The following SLC38A8 variants were observed in gnomAD, a reference collection of about 807,000 sequenced individuals.
SLC38A8 encodes the protein amino acid transporter SLC38A8.
Under a neutral mutation model 46.0 loss-of-function variants are expected in SLC38A8, and 65 were observed. The observed-to-expected ratio is 1.41, with a 90% CI of 1.16 to 1.74. The LOEUF (loss-of-function observed/expected upper bound fraction) is 1.74, where lower values mean the gene tolerates loss of function less well. Among genes scored for constraint, SLC38A8 ranks in the 40% most tolerant of loss-of-function variants. The probability of loss-of-function intolerance (pLI) is 0.00; values close to 1 mark genes in which losing one functional copy is unlikely to be tolerated. For synonymous variants in SLC38A8, 447 were observed against 243.7 expected (o/e 1.83, Z -7.77); for missense variants, 998 against 567.9 (o/e 1.76, Z -7.70).
At chr16:84,032,488 T>C (rs560544482) in intron 4 of SLC38A8, among the ~76,000 whole-genome samples, 1 of 152,284 alleles carries the variant, frequency 6.6e-6, no homozygotes, top group Admixed American at 6.5e-5. Context: ...CCCAAATGTG[T>C]AGAATTCTTA....
At chr16:84,017,387 T>A in intron 7 of SLC38A8, 100 bp from the exon 8 acceptor site, 2 of 1,393,848 alleles carry the variant, frequency 1.4e-6, no homozygotes, top group Non-Finnish European at 9.8e-7. Flanking sequence ...CACCTAAGAT[T>A]TTCCTTAGGA....
intron 7 of SLC38A8, among the ~76,000 whole-genome samples, chr16:84,019,767 G>C (rs2085074050): frequency 6.6e-6 from 1 of 152,198 alleles, no homozygotes; most frequent in Non-Finnish European, 1.5e-5. Flanking sequence ...TGGCAGTGCA[G>C]GCAAAAGAAA....
chr16:84,037,215 C>A (rs963301192), intron 2 of SLC38A8, among the ~76,000 whole-genome samples: 1 of 152,222 alleles, frequency 6.6e-6, no homozygotes, highest in African/African-American at 2.4e-5. Flanking sequence ...TTAAGTTACT[C>A]TCCTAAAATC....
intron 3 of SLC38A8, among the ~76,000 whole-genome samples, chr16:84,034,161 A>G (rs979061747): frequency 6.6e-6 from 1 of 152,212 alleles, no homozygotes; most frequent in African/African-American, 2.4e-5. Context: ...TGGGCCACCT[A>G]GCAGGCACCT....
intron 6 of SLC38A8, among the ~76,000 whole-genome samples, chr16:84,026,891 G>C (rs1459136480): frequency 1.3e-5 from 2 of 152,198 alleles, no homozygotes; most frequent in African/African-American, 2.4e-5. Flanking sequence ...GGAGAATGGA[G>C]AGTGACTGAC....
intron 6 of SLC38A8, among the ~76,000 whole-genome samples, chr16:84,025,432 C>A (rs1202591368): frequency 6.6e-6 from 1 of 152,200 alleles, no homozygotes; most frequent in Non-Finnish European, 1.5e-5. Context: ...CCCGAGTGGG[C>A]TGGTTTCCTC....
At chr16:84,011,082 G>C (rs1317235954) in intron 10 of SLC38A8, among the ~76,000 whole-genome samples, 1 of 152,238 alleles carries the variant, frequency 6.6e-6, no homozygotes, top group African/African-American at 2.4e-5. Context: ...GGGTTGTCAT[G>C]GAAGGAACAT....
chr16:84,017,192 G>A lies in SLC38A8; in HGVS notation c.901C>T (p.Leu301Phe), dbSNP rs778679892. The A allele has an allele frequency of 1.9e-6, 3 of 1,613,998 alleles. No individual in the cohort carries two copies. Among genetic ancestry groups the A allele is most frequent in the Non-Finnish European group, 2.5e-6 (3 of 1,180,038 alleles). Residue 301 changes from leucine (L) to phenylalanine (F), a missense_variant, in exon 8 of 11, where the codon CTT (leucine) becomes TTT (phenylalanine). Coordinates refer to ENST00000299709, the MANE Select transcript of SLC38A8 (RefSeq NM_001080442.3). ...NDMVIIVARV[L>F]FAVSIVTVYP... ...ACAGTTACGATGGAGACAGCAAAAA[G>A]GACCCGGGCCACAATGATGACCATA...
intron 7 of SLC38A8, among the ~76,000 whole-genome samples, chr16:84,021,277 CTGG>C (rs1223537685): frequency 6.6e-6 from 1 of 152,166 alleles, no homozygotes; most frequent in Admixed American, 6.5e-5. Context: ...GTTTCACAGG[CTGG>C]TCTCAAAATC....
chr16:84,017,073 C>T (rs188278279), intron 8 of SLC38A8, 67 bp downstream of exon 8: 154 of 1,586,748 alleles, frequency 9.7e-5, no homozygotes, highest in Admixed American at 9.3e-4. Context: ...ACACCTGGTA[C>T]ATGCTCAATC....
intron 6 of SLC38A8, among the ~76,000 whole-genome samples, chr16:84,026,076 C>G (rs955812149): frequency 6.6e-6 from 1 of 152,232 alleles, no homozygotes; most frequent in Admixed American, 6.5e-5. Flanking sequence ...GCAGATGCCC[C>G]GAGGTGGGGA....
rs766262131 is a variant in SLC38A8 at position 84,016,697 on chromosome 16, G to T, written c.984C>A (p.Ser328Arg). ...RSVMQDFWRR[S>R]CLGGWGPSAL... ...CGCTGGGCCCCCATCCCCCCAAGCAGCTCCTCCTCCAGAAGTCCTGCATCA... is the reference window on the plus strand; with the variant it reads ...CGCTGGGCCCCCATCCCCCCAAGCATCTCCTCCTCCAGAAGTCCTGCATCA... The change falls in exon 9 of 11, where the codon AGC (serine) becomes AGA (arginine). Residue 328 changes from serine to arginine, a missense_variant. By Grantham distance (110) the Ser-to-Arg change is moderately radical. Coordinates refer to ENST00000299709, the MANE Select transcript of SLC38A8 (RefSeq NM_001080442.3). 6.2e-7 allele frequency: 1 copy of T among 1,613,176 alleles called. No individual in the cohort carries two copies. The highest frequency in any genetic ancestry group is 8.5e-7 in the Non-Finnish European group (1 of 1,179,932).
chr16:84,025,383 G>A lies in SLC38A8; in HGVS notation c.691-2494C>T, dbSNP rs549393167. ...TGGTCCCTCTGGCCGGATTTTCTCC[G>A]AGTCCAGCCAACTCCTCTGCACCCT... is the stretch of plus-strand genomic sequence containing the variant. On this transcript the variant is annotated intron_variant, in intron 6 of 10. Transcript: ENST00000299709. Among the ~76,000 whole-genome samples, 8 of 152,268 alleles carry A rather than the reference G, an allele frequency of 5.3e-5. No individual in the cohort carries two copies. In the South Asian group the frequency reaches 6.2e-4, roughly 12 times the overall value.
chr16:84,024,651 A>G (rs771116475), intron 6 of SLC38A8, among the ~76,000 whole-genome samples: 21 of 152,046 alleles, frequency 1.4e-4, no homozygotes, highest in South Asian at 2.1e-4. Context: ...TGTGGTGGCA[A>G]GCACCTGTAA....
chr16:84,027,376 C>T (rs1454094235), intron 6 of SLC38A8, among the ~76,000 whole-genome samples: 1 of 150,388 alleles, frequency 6.6e-6, no homozygotes, highest in Non-Finnish European at 1.5e-5. Context: ...AACAAACAAA[C>T]AAACAAACAA....
In SLC38A8 at chr16:84,017,263, C is replaced by T; in HGVS notation, c.830G>A (p.Gly277Glu). 6.2e-7 allele frequency: 1 copy of T among 1,614,022 alleles called. No homozygotes were observed. The highest frequency in any genetic ancestry group is 1.1e-5 in the South Asian group (1 of 91,074). ...LTGVYGFLTFGTEVSADVLMS... is the reference protein window; with the variant it reads ...LTGVYGFLTFETEVSADVLMS... Reference sequence around the variant, plus strand: ...CAAGACGTCAGCAGAAACTTCTGTCCCAAAAGTCAGGAAGCCATAAACCCC... The same window carrying T: ...CAAGACGTCAGCAGAAACTTCTGTCTCAAAAGTCAGGAAGCCATAAACCCC... The change falls in exon 8 of 11, where the codon GGG becomes GAG. Residue 277 changes from glycine to glutamate, a missense_variant. Physicochemically the swap from Gly to Glu is moderately conservative, Grantham distance 98 (BLOSUM62 -2). Transcript: ENST00000299709.
At chr16:84,026,008 T>A (rs1293445490) in intron 6 of SLC38A8, among the ~76,000 whole-genome samples, 1 of 152,210 alleles carries the variant, frequency 6.6e-6, no homozygotes, top group Non-Finnish European at 1.5e-5. Context: ...GTGCCCACAA[T>A]GGGGACCTCC....
At chr16:84,013,433 T>TTTTG (rs1555551875) in intron 9 of SLC38A8, among the ~76,000 whole-genome samples, 3,004 of 128,454 alleles carry the variant, frequency 0.023, 70 homozygotes, top group Middle Eastern at 0.057. Context: ...TGTTTTTTTT[T>TTTTG]TTTTTTTTTT....
rs569915243 is a variant in SLC38A8 at position 84,017,014 on chromosome 16, C to T, written c.953+126G>A. On this transcript the variant is annotated intron_variant, in intron 8 of 10. Transcript: ENST00000299709. ...CTACCTAAATCCTCTGTGCCTGTTT[C>T]CTCCTGTCTACAATTGGAGAGGATG... The T allele has an allele frequency of 2.0e-5, 26 of 1,330,780 alleles. No homozygotes were observed. The African/African-American group carries it at 3.5e-4, about 18-fold the overall frequency. 82.4% of individuals were successfully genotyped at this position (1,330,780 alleles called of 1,614,324 possible).
Sources: allele counts gnomAD v4.1 joint callset (sites outside exome capture counted in the v4.1 genomes callset), GRCh38; gene constraint gnomAD v4.1.1; transcripts MANE v1.5; gene names NCBI Gene and HGNC (gene_info 2026-07-23, HGNC 2026-07-21).